NRG4: variants seen among roughly 807,000 people sequenced by gnomAD.
NRG4 encodes neuregulin 4, also known as pro-neuregulin-4, membrane-bound isoform.
In NRG4, 10 loss-of-function variants were observed where a neutral mutation model predicts 15.0. The observed-to-expected ratio is 0.67, with a 90% CI of 0.41 to 1.13. The LOEUF (loss-of-function observed/expected upper bound fraction) is 1.13. Ranked by LOEUF, NRG4 falls within the 50% of genes most tolerant of loss-of-function variation. NRG4 has a pLI of 0.00. For synonymous variants in NRG4, 41 were observed against 50.1 expected (o/e 0.82, Z 0.77); for missense variants, 139 against 140.2 (o/e 0.99, Z 0.04).
chr15:76,016,850 A>T (rs1327534791), upstream of NRG4, among the ~76,000 whole-genome samples: 3 of 152,076 alleles, frequency 2.0e-5, no homozygotes, highest in Admixed American at 1.3e-4. Context: ...TATTAGGTCC[A>T]CTTGGTCCAG....
chr15:75,942,379 T>TAAAC lies in NRG4; in HGVS notation c.*1255_*1258dup, dbSNP rs2031085580. 6.6e-6 allele frequency: 1 copy of TAAAC among 150,480 alleles called. No individual in the cohort carries two copies. The highest frequency in any genetic ancestry group is 1.5e-5 in the Non-Finnish European group (1 of 67,732). 9.3% of individuals were successfully genotyped at this position (150,480 alleles called of 1,614,324 possible). ...AAAGTAAAAATGTGTCAATATTGGT[T>TAAAC]AAACAAATATACCACACTAGTGCAA... On this transcript the variant is annotated 3_prime_UTR_variant, in exon 6 of 6. Transcript: ENST00000394907.
chr15:75,956,228 A>T (rs2032230164), intron 4 of NRG4, among the ~76,000 whole-genome samples: 1 of 152,188 alleles, frequency 6.6e-6, no homozygotes. Flanking sequence ...CCATTATTTA[A>T]CAAATCCATT....
chr15:75,966,992 G>A (rs1453675003), intron 3 of NRG4, among the ~76,000 whole-genome samples: 1 of 151,746 alleles, frequency 6.6e-6, no homozygotes, highest in African/African-American at 2.4e-5. Context: ...GTAGGCGCCT[G>A]TAATCCCAGC....
intron 4 of NRG4, among the ~76,000 whole-genome samples, chr15:76,042,857 A>G (rs2035778092): frequency 6.6e-6 from 1 of 152,160 alleles, no homozygotes; most frequent in African/African-American, 2.4e-5. Flanking sequence ...ACATTTAAAA[A>G]AAAAGCTACA....
intron 3 of NRG4, among the ~76,000 whole-genome samples, chr15:75,978,365 C>G (rs775299700): frequency 6.6e-6 from 1 of 152,136 alleles, no homozygotes; most frequent in Non-Finnish European, 1.5e-5. Context: ...CATGTTGCTG[C>G]ACATGACGGG....
chr15:75,957,947 T>C (rs1200269715), intron 4 of NRG4, among the ~76,000 whole-genome samples: 3 of 152,216 alleles, frequency 2.0e-5, no homozygotes, highest in African/African-American at 4.8e-5. Context: ...ATTTGATTCA[T>C]TGGAGATCTG....
intron 3 of NRG4, among the ~76,000 whole-genome samples, chr15:75,966,996 T>C (rs2032824572): frequency 1.3e-5 from 2 of 150,776 alleles, no homozygotes; most frequent in Non-Finnish European, 2.9e-5. Flanking sequence ...GCGCCTGTAA[T>C]CCCAGCTACC....
At chr15:75,938,273 A>C (rs75336563), downstream of NRG4, 378 of 152,344 alleles carry the variant, frequency 2.5e-3, 3 homozygotes, top group African/African-American at 8.7e-3. Flanking sequence ...CAAATGGATG[A>C]CAGCTTTTAA....
intron 3 of NRG4, among the ~76,000 whole-genome samples, chr15:75,966,055 T>C (rs1001693438): frequency 1.3e-5 from 2 of 152,166 alleles, no homozygotes; most frequent in Admixed American, 1.3e-4. Flanking sequence ...CTCCACTAGG[T>C]GAGAAATTCT....
At chr15:75,981,259 T>C (rs2033596363) in intron 3 of NRG4, among the ~76,000 whole-genome samples, 1 of 152,172 alleles carries the variant, frequency 6.6e-6, no homozygotes, top group African/African-American at 2.4e-5. Flanking sequence ...GAAGTCTGAC[T>C]ATCCTCTGGG....
rs2031196533 is a variant in NRG4, at chr15:75,943,430, C to T, written c.*208G>A. On this transcript the variant is annotated 3_prime_UTR_variant, in exon 6 of 6. Transcript: ENST00000394907. ...GTGACTTCGAATTATACTGGTATCA[C>T]CCCCTACTTAGCAGTTGCCGATGGA... 1 of 545,240 alleles carries T rather than the reference C, an allele frequency of 1.8e-6. No homozygotes were observed. Among genetic ancestry groups the T allele is most frequent in the African/African-American group, 1.9e-5 (1 of 51,294 alleles). The allele number at this position is 545,240 out of a possible 1,614,324, so 33.8% of individuals were successfully genotyped here.
At chr15:76,001,550 T>C (rs977338732) in intron 3 of NRG4, among the ~76,000 whole-genome samples, 9 of 152,206 alleles carry the variant, frequency 5.9e-5, no homozygotes, top group Admixed American at 3.9e-4. Flanking sequence ...CTGGCTACCA[T>C]ATGGGACCAC....
At chr15:75,967,332 AT>A (rs1435944935) in intron 3 of NRG4, among the ~76,000 whole-genome samples, 2 of 152,054 alleles carry the variant, frequency 1.3e-5, no homozygotes, top group Non-Finnish European at 2.9e-5. Flanking sequence ...CTAACATTCA[AT>A]CTCACAAAAT....
chr15:75,944,873 ATACCT>A (rs1386225658), intron 5 of NRG4, among the ~76,000 whole-genome samples: 5 of 152,174 alleles, frequency 3.3e-5, no homozygotes, highest in Non-Finnish European at 5.9e-5. Flanking sequence ...GCTGAGCCTA[ATACCT>A]TACCCCTGTT....
intron 5 of NRG4, among the ~76,000 whole-genome samples, chr15:76,028,877 T>C (rs1271314053): frequency 3.4e-5 from 4 of 119,210 alleles, no homozygotes; most frequent in African/African-American, 1.4e-4. Context: ...CACTCCAGCC[T>C]GGGTGGCAGA....
chr15:75,978,137 A>T lies in NRG4; in HGVS notation c.105-16163T>A, dbSNP rs139959927. ...CAGCCTCTTCTAGCTATTTTGAAAT[A>T]TACAATAAATCTAGCAGTATTTTTG... On this transcript the variant is annotated intron_variant, in intron 3 of 5. Transcript: ENST00000394907. Among the ~76,000 whole-genome samples, 4 of 152,260 alleles carry T rather than the reference A, an allele frequency of 2.6e-5. No individual in the cohort carries two copies. The East Asian group carries it at 7.7e-4, about 29-fold the overall frequency.
Position 75,977,576 on chromosome 15 carries a change from C to T in NRG4, c.105-15602G>A, listed in dbSNP as rs1161753454. On this transcript the variant is annotated intron_variant, in intron 3 of 5. Transcript: ENST00000394907. The surrounding 1 kb of genome is among the most constrained non-coding windows in gnomAD (Gnocchi z 4.9). ...CCCTTGGCTAGGGGAGGGAATTCCC[C>T]CAACCCTTGTGCTTCCTGGGTGAGG... is the stretch of plus-strand genomic sequence containing the variant. Among the ~76,000 whole-genome samples, 2 of 152,178 alleles carry T rather than the reference C, an allele frequency of 1.3e-5. No homozygotes were observed. The highest frequency in any genetic ancestry group is 2.9e-5 in the Non-Finnish European group (2 of 68,034).
intron 3 of NRG4, among the ~76,000 whole-genome samples, chr15:76,006,143 G>A (rs1393879376): frequency 1.3e-5 from 2 of 152,184 alleles, no homozygotes; most frequent in African/African-American, 4.8e-5. Context: ...TATATTGATA[G>A]TAAGAACAGA....
intron 3 of NRG4, among the ~76,000 whole-genome samples, chr15:75,978,128 T>G (rs896266517): frequency 6.6e-6 from 1 of 152,144 alleles, no homozygotes; most frequent in Non-Finnish European, 1.5e-5. Flanking sequence ...CTTCTAGCTA[T>G]TTTGAAATAT....
Sources: gnomAD v4.1 joint callset for allele counts (sites outside exome capture counted in the v4.1 genomes callset) on GRCh38, gnomAD v4.1.1 for gene constraint, Gnocchi (gnomAD v3.1) non-coding constraint, MANE v1.5 for transcripts, NCBI Gene and HGNC (gene_info 2026-07-23, HGNC 2026-07-21) for gene names.